TRIM23: variants seen among roughly 807,000 people sequenced by gnomAD.
The protein encoded by TRIM23 is E3 ubiquitin-protein ligase TRIM23.
TRIM23 carries 27 observed loss-of-function variants against 71.0 expected under a neutral mutation model. That is an observed-to-expected ratio of 0.38 (90% CI 0.28 to 0.52). TRIM23 has a LOEUF of 0.52. Ranked by LOEUF, TRIM23 falls within the 20% of genes least tolerant of loss-of-function variation. The probability of loss-of-function intolerance (pLI) is 0.84; values close to 1 mark genes in which losing one functional copy is unlikely to be tolerated. For missense variants in TRIM23, 482 were observed against 692.3 expected (o/e 0.70, Z 3.41); for synonymous variants, 234 against 238.0 (o/e 0.98, Z 0.16).
intron 10 of TRIM23, among the ~76,000 whole-genome samples, chr5:65,593,619 C>T (rs756971668): frequency 6.6e-6 from 1 of 152,124 alleles, no homozygotes; most frequent in Non-Finnish European, 1.5e-5. Flanking sequence ...CTCTTCCCCT[C>T]CCATGACATC....
chr5:65,594,779 C>T, intron 9 of TRIM23, 134 bp from the exon 10 acceptor site: 1 of 784,048 alleles, frequency 1.3e-6, no homozygotes, highest in Non-Finnish European at 1.8e-6. Flanking sequence ...ACAGAGGGTG[C>T]CTAGTATGGC....
intron 1 of TRIM23, among the ~76,000 whole-genome samples, chr5:65,621,013 G>C (rs1754921838): frequency 6.6e-6 from 1 of 151,760 alleles, no homozygotes; most frequent in Admixed American, 6.6e-5. Flanking sequence ...CTGGGTGACA[G>C]AGTGAGAACC....
At chr5:65,597,290 G>T in intron 7 of TRIM23, 110 bp from the exon 8 acceptor site, 1 of 1,120,378 alleles carries the variant, frequency 8.9e-7, no homozygotes, top group Non-Finnish European at 1.3e-6. Flanking sequence ...ATTGCAATCT[G>T]AATTGTATTC....
chr5:65,620,818 G>C (rs530548362), intron 1 of TRIM23, among the ~76,000 whole-genome samples: 29 of 152,166 alleles, frequency 1.9e-4, no homozygotes, highest in Admixed American at 8.5e-4. Flanking sequence ...GCTCACACCT[G>C]TAATCACAGC....
rs1246379785 is a variant in TRIM23 at position 65,606,468 on chromosome 5, C to CA, written c.1045-1424dup. On this transcript the variant is annotated intron_variant, in intron 6 of 10. Coordinates refer to ENST00000231524, the MANE Select transcript of TRIM23 (RefSeq NM_001656.4). ...CCAACCCACTCCTCCCGCCCCCGGC[C>CA]AAAAAAAAAAAAAAAACAATTGAAG... 8.2e-3 allele frequency among the ~76,000 whole-genome samples: 480 copies of CA among 58,808 alleles called. 2 individuals are homozygous for CA. The highest frequency in any genetic ancestry group is 0.02 in the African/African-American group (294 of 14,530). 38.6% of individuals were successfully genotyped at this position (58,808 alleles called of 152,430 possible). A position where few individuals can be genotyped will look rare whatever the true frequency, so the allele number is the denominator to read the frequency against.
intron 7 of TRIM23, among the ~76,000 whole-genome samples, chr5:65,603,090 T>C (rs1581180139): frequency 6.6e-6 from 1 of 152,226 alleles, no homozygotes; most frequent in African/African-American, 2.4e-5. Context: ...ATTCCACTTA[T>C]ATGAGGTATC....
chr5:65,614,491 T>C (rs962634463), intron 2 of TRIM23, among the ~76,000 whole-genome samples: 10 of 152,130 alleles, frequency 6.6e-5, no homozygotes, highest in Non-Finnish European at 1.3e-4. Flanking sequence ...TCCCAGCAGT[T>C]TGGGAGGCTG....
At chr5:65,614,625 C>T (rs1475788046) in intron 2 of TRIM23, among the ~76,000 whole-genome samples, 1 of 151,596 alleles carries the variant, frequency 6.6e-6, no homozygotes, top group Non-Finnish European at 1.5e-5. Context: ...ATCCCAGCCA[C>T]TCAGGAGGCT....
At chr5:65,619,934 A>G (rs1754884372) in intron 1 of TRIM23, among the ~76,000 whole-genome samples, 1 of 152,146 alleles carries the variant, frequency 6.6e-6, no homozygotes, top group Non-Finnish European at 1.5e-5. Flanking sequence ...ATACAAAAAA[A>G]TTAGCCAGGC....
Position 65,591,700 on chromosome 5 carries a change from T to G in TRIM23, c.*69A>C. On this transcript the variant is annotated 3_prime_UTR_variant, in exon 11 of 11. Coordinates refer to ENST00000231524, the MANE Select transcript of TRIM23 (RefSeq NM_001656.4). The stretch of plus-strand genomic sequence containing the variant: ...AATTACCATCTTTTGAGATGTATAA[T>G]TTCTTAAAACATACTATGTGCAAAG... 1 of 1,451,412 alleles carries G rather than the reference T, an allele frequency of 6.9e-7. No individual in the cohort carries two copies. The highest frequency in any genetic ancestry group is 9.2e-7 in the Non-Finnish European group (1 of 1,091,958). The allele number at this position is 1,451,412 out of a possible 1,614,324, so 89.9% of individuals were successfully genotyped here.
Position 65,611,047 on chromosome 5 carries a change from T to C in TRIM23, c.646-4A>G, listed in dbSNP as rs371852257. The C allele has an allele frequency of 1.2e-5, 20 of 1,602,302 alleles. No individual in the cohort carries two copies. The Middle Eastern group carries it at 6.6e-4, about 53-fold the overall frequency. On this transcript the variant is annotated splice_polypyrimidine_tract_variant and splice_region_variant and intron_variant, in intron 4 of 10. Coordinates refer to ENST00000231524, the MANE Select transcript of TRIM23 (RefSeq NM_001656.4). ...CTTCTGGTTCCAATACTGAATGCTA[T>C]AAAATGTACCATAATTAGAGAAAAG...
chr5:65,591,698 A>G lies in TRIM23; in HGVS notation c.*71T>C, dbSNP rs1441136285. ...TAAATTACCATCTTTTGAGATGTAT[A>G]ATTTCTTAAAACATACTATGTGCAA... On this transcript the variant is annotated 3_prime_UTR_variant, in exon 11 of 11. Transcript: ENST00000231524. 7.6e-6 allele frequency: 11 copies of G among 1,443,788 alleles called. No individual in the cohort carries two copies. The highest frequency in any genetic ancestry group is 6.6e-5 in the Admixed American group (3 of 45,636). 89.4% of individuals were successfully genotyped at this position (1,443,788 alleles called of 1,614,324 possible).
intron 5 of TRIM23, among the ~76,000 whole-genome samples, chr5:65,610,618 A>G (rs1335653499): frequency 6.6e-6 from 1 of 152,178 alleles, no homozygotes; most frequent in Admixed American, 6.5e-5. Flanking sequence ...ACCTCCATAA[A>G]TCATTGTCCC....
At chr5:65,595,826 A>C (rs1224903960) in intron 9 of TRIM23, among the ~76,000 whole-genome samples, 3 of 152,232 alleles carry the variant, frequency 2.0e-5, no homozygotes, top group African/African-American at 7.2e-5. Context: ...TGGAAAGCAG[A>C]ATAACATACA....
At chr5:65,599,084 G>A (rs259751) in intron 7 of TRIM23, among the ~76,000 whole-genome samples, 101,383 of 151,872 alleles carry the variant, frequency 0.67, 34,504 homozygotes, top group African/African-American at 0.79. Context: ...TAGGCAAGAA[G>A]AATAATAAAA....
rs1554124233 is a variant in TRIM23, at chr5:65,591,645, T to TTACA, written c.*123_*124insTGTA. On this transcript the variant is annotated 3_prime_UTR_variant, in exon 11 of 11. Coordinates refer to ENST00000231524, the MANE Select transcript of TRIM23 (RefSeq NM_001656.4). ...ACTGAATTCCCAATCCAAGATTCCTTTATATATATATATATATATATGCAT... is the reference window on the plus strand; with the variant it reads ...ACTGAATTCCCAATCCAAGATTCCTTTACATATATATATATATATATATATGCAT... The TTACA allele has an allele frequency of 1.1e-5, 8 of 717,312 alleles. No homozygotes were observed. The highest frequency in any genetic ancestry group is 4.4e-5 in the African/African-American group (2 of 45,824). The allele number at this position is 717,312 out of a possible 1,614,324, so 44.4% of individuals were successfully genotyped here.
Position 65,591,805 on chromosome 5 carries a change from C to T in TRIM23, c.1689G>A (p.Arg563=), listed in dbSNP as rs1438774821. The T allele has an allele frequency of 3.7e-6, 6 of 1,610,148 alleles. No homozygotes were observed. In the South Asian group the frequency reaches 6.6e-5, roughly 18 times the overall value. The change falls in exon 11 of 11, where the codon CGG becomes CGA. Residue 563 remains arginine (R), a synonymous_variant. Transcript: ENST00000231524. ...CCAATACTCCAGCAGCTACAAGTTGCCGTGAGAGCCAGTCCAACCCTTCAT... is the reference window on the plus strand; with the variant it reads ...CCAATACTCCAGCAGCTACAAGTTGTCGTGAGAGCCAGTCCAACCCTTCAT... ...GLYEGLDWLS[R]QLVAAGVLDV...
At chr5:65,598,744 G>A (rs259750) in intron 7 of TRIM23, among the ~76,000 whole-genome samples, 65 of 79,584 alleles carry the variant, frequency 8.2e-4, no homozygotes, top group East Asian at 5.8e-3. Context: ...GCGAAACTCC[G>A]CCTCAAAAAA....
At chr5:65,610,083 T>A (rs1754612567) in intron 5 of TRIM23, among the ~76,000 whole-genome samples, 1 of 152,216 alleles carries the variant, frequency 6.6e-6, no homozygotes, top group Admixed American at 6.5e-5. Flanking sequence ...CTAAGACCTA[T>A]CTATTCTACT....
Sources: allele counts gnomAD v4.1 joint callset (sites outside exome capture counted in the v4.1 genomes callset), GRCh38; gene constraint gnomAD v4.1.1; transcripts MANE v1.5; gene names NCBI Gene and HGNC (gene_info 2026-07-23, HGNC 2026-07-21).